The following ESPN variants were observed in gnomAD, a reference collection of about 807,000 sequenced individuals.
ESPN encodes the protein autosomal recessive deafness type 36 protein.
A neutral mutation model predicts 77.7 loss-of-function variants in ESPN; 68 were observed. That is an observed-to-expected ratio of 0.87 (90% CI 0.72 to 1.07). ESPN has a LOEUF of 1.07. Ranked by LOEUF, ESPN falls within the 50% of genes least tolerant of loss-of-function variation. The probability of loss-of-function intolerance (pLI) is 0.00; values close to 1 mark genes in which losing one functional copy is unlikely to be tolerated. For synonymous variants in ESPN, 449 were observed against 567.1 expected, an observed-to-expected ratio of 0.79 and a Z score of 2.96; for missense variants, 1,060 against 1,239.0, an observed-to-expected ratio of 0.86 and a Z score of 2.17.
chr1:6,457,551 G>C (rs1474660834), intron 12 of ESPN, among the ~76,000 whole-genome samples, 179 bp downstream of exon 12: 3 of 152,058 alleles, frequency 2.0e-5, no homozygotes, highest in African/African-American at 7.2e-5. Flanking sequence ...CTTTGTTCCC[G>C]GTTACTCAGT....
intron 6 of ESPN, 40 bp from the exon 7 acceptor site, chr1:6,445,624 T>C: frequency 1.2e-6 from 2 of 1,603,624 alleles, no homozygotes; most frequent in East Asian, 4.5e-5. Flanking sequence ...ACAGCCTGTC[T>C]GCATGCTCCC....
intron 2 of ESPN, among the ~76,000 whole-genome samples, chr1:6,439,239 C>G (rs1034649848): frequency 6.6e-6 from 1 of 152,212 alleles, no homozygotes; most frequent in Non-Finnish European, 1.5e-5. Flanking sequence ...AACAACCAAA[C>G]CCAGGACGTT....
chr1:6,442,423 A>G (rs555329062), intron 5 of ESPN, among the ~76,000 whole-genome samples: 1 of 150,804 alleles, frequency 6.6e-6, no homozygotes, highest in African/African-American at 2.4e-5. Flanking sequence ...ACAAAAAAAA[A>G]TTTAGCCAGG....
chr1:6,443,256 C>G (rs1280997198), intron 5 of ESPN: 1 of 152,160 alleles, frequency 6.6e-6, no homozygotes. Flanking sequence ...GCTGTTATCC[C>G]CATTTGCAGA....
intron 2 of ESPN, among the ~76,000 whole-genome samples, chr1:6,435,488 C>A (rs1460653212): frequency 1.3e-5 from 2 of 152,248 alleles, no homozygotes; most frequent in African/African-American, 4.8e-5. Context: ...CATCTTTGTT[C>A]CCAGGAGAAA....
At chr1:6,458,052 A>G (rs1431690057) in intron 12 of ESPN, among the ~76,000 whole-genome samples, 1 of 149,188 alleles carries the variant, frequency 6.7e-6, no homozygotes, top group East Asian at 2.0e-4. Flanking sequence ...ATGGGGTTTC[A>G]CTCTTGTCAC....
chr1:6,456,054 T>C (rs1233365237), intron 10 of ESPN: 1 of 381,858 alleles, frequency 2.6e-6, no homozygotes, highest in Non-Finnish European at 4.6e-6. Context: ...GACCTCAGAC[T>C]CTCCTGGTTC....
rs114827964 is a variant in ESPN at position 6,430,401 on chromosome 1, G to A, written c.488+1982G>A. Among the ~76,000 whole-genome samples, 1,478 of 152,300 alleles carry A rather than the reference G, an allele frequency of 9.7e-3. 18 individuals carry two copies. Among genetic ancestry groups the A allele is most frequent in the African/African-American group, 0.034 (1,406 of 41,548 alleles). The stretch of plus-strand genomic sequence containing the variant: ...GGAGCTGGAAGGCTGGACAGCCTCG[G>A]GGAAGCTCAGCTAATTCCAGGTCTA... On this transcript the variant is annotated intron_variant, in intron 2 of 12. Coordinates refer to ENST00000645284, the MANE Select transcript of ESPN (RefSeq NM_031475.3).
In ESPN at chr1:6,448,949, G is replaced by A. The variant is rs1191989328; in HGVS notation, c.1773G>A (p.Ala591=). 1.4e-6 allele frequency: 2 copies of A among 1,418,498 alleles called. No individual in the cohort carries two copies. Among genetic ancestry groups the A allele is most frequent in the Non-Finnish European group, 1.8e-6 (2 of 1,091,762 alleles). The allele number at this position is 1,418,498 out of a possible 1,614,324, so 87.9% of individuals were successfully genotyped here. The part of the protein sequence containing the change: ...VPNGCAADPK[A]SRELPPPPPP... ...ACGGCTGCGCCGCGGACCCCAAGGC[G>A]TCCAGGGAGCTGCCACCGCCGCCCC... The change falls in exon 8 of 13, where the codon GCG becomes GCA. Residue 591 remains alanine, a synonymous_variant. Coordinates refer to ENST00000645284, the MANE Select transcript of ESPN (RefSeq NM_031475.3).
rs1243291562 is a variant in ESPN, at chr1:6,451,219, C to T, written c.1916-384C>T. The T allele has an allele frequency of 2.8e-6, 1 of 362,170 alleles. No homozygotes were observed. Among genetic ancestry groups the T allele is most frequent in the Non-Finnish European group, 5.3e-6 (1 of 187,914 alleles). The allele number at this position is 362,170 out of a possible 1,614,324, so 22.4% of individuals were successfully genotyped here. A position where few individuals can be genotyped will look rare whatever the true frequency, so the allele number is the denominator to read the frequency against. On this transcript the variant is annotated intron_variant, in intron 8 of 12. Transcript: ENST00000645284. The surrounding 1 kb of genome is among the most constrained non-coding windows in gnomAD (Gnocchi z 4.3). ...GAGAGGGCCAGAGGGAGGCTCCACC[C>T]CAGCCGGGCTGAGCCAGGGAACCTG...
At chr1:6,455,197 A>G in intron 10 of ESPN, 1 of 388,538 alleles carries the variant, frequency 2.6e-6, no homozygotes, top group East Asian at 3.7e-5. Context: ...GCGCTGCCTG[A>G]GCCCGAGCAG....
Position 6,448,931 on chromosome 1 carries a change from C to T in ESPN, c.1755C>T (p.Cys585=). ...LLPGNHVPNG[C]AADPKASREL... ...CTGGGAACCATGTTCCTAACGGCTG[C>T]GCCGCGGACCCCAAGGCGTCCAGGG... Residue 585 remains cysteine (C), a synonymous_variant, in exon 8 of 13, where the codon TGC becomes TGT. Transcript: ENST00000645284. 7.2e-7 allele frequency: 1 copy of T among 1,394,510 alleles called. No individual in the cohort carries two copies. Among genetic ancestry groups the T allele is most frequent in the Admixed American group, 3.1e-5 (1 of 31,946 alleles). The allele number at this position is 1,394,510 out of a possible 1,614,324, so 86.4% of individuals were successfully genotyped here.
downstream of ESPN, chr1:6,461,162 TTTTG>T (rs1015716688): frequency 1.5e-6 from 1 of 682,578 alleles, no homozygotes; most frequent in South Asian, 1.5e-5. The surrounding 1 kb of genome is among the most constrained non-coding windows in gnomAD (Gnocchi z 6.3). Flanking sequence ...TTTTGTTTTG[TTTTG>T]TTTTCTTTCA....
intron 3 of ESPN, 39 bp downstream of exon 3, chr1:6,440,479 G>T (rs747493996): frequency 6.7e-5 from 100 of 1,494,274 alleles, no homozygotes; most frequent in Non-Finnish European, 1.8e-6. Flanking sequence ...GGGAGGCGGG[G>T]CGGAGCCGGC....
intron 10 of ESPN, chr1:6,455,951 A>G: frequency 5.0e-6 from 2 of 398,640 alleles, no homozygotes; most frequent in Admixed American, 4.4e-5. Context: ...AGGCTGCTCC[A>G]TTTCAGACGG....
In ESPN at chr1:6,424,967, G is replaced by T; in HGVS notation, c.12G>T (p.Glu4Asp). The T allele has an allele frequency of 6.9e-7, 1 of 1,455,144 alleles. No homozygotes were observed. Among genetic ancestry groups the T allele is most frequent in the Non-Finnish European group, 9.0e-7 (1 of 1,108,238 alleles). The allele number at this position is 1,455,144 out of a possible 1,614,324, so 90.1% of individuals were successfully genotyped here. MALEQALQAARQGE... is the reference protein window; with the variant it reads MALDQALQAARQGE... ...CCGCACGCGGCACCATGGCCCTGGA[G>T]CAGGCGCTGCAGGCGGCGCGGCAGG... Residue 4 changes from glutamate to aspartate, a missense_variant, in exon 1 of 13, where the codon GAG becomes GAT. Physicochemically the swap from Glu to Asp is conservative, Grantham distance 45 (BLOSUM62 2). Around this residue, in one of 3 missense-constraint regions of ESPN, gnomAD observed 556 missense variants for 633.6 expected, o/e 0.88. Coordinates refer to ENST00000645284, the MANE Select transcript of ESPN (RefSeq NM_031475.3).
At chr1:6,430,200 T>TA (rs1227349813) in intron 2 of ESPN, among the ~76,000 whole-genome samples, 29 of 152,174 alleles carry the variant, frequency 1.9e-4, no homozygotes, top group African/African-American at 6.8e-4. Flanking sequence ...TTCATGCTCT[T>TA]GTGAGCCTCT....
intron 2 of ESPN, among the ~76,000 whole-genome samples, chr1:6,432,818 G>A (rs902797081): frequency 2.6e-5 from 4 of 152,198 alleles, no homozygotes; most frequent in Non-Finnish European, 5.9e-5. Context: ...ATGTCCACCC[G>A]CAGCCTTTGA....
At position 6,428,797 on chromosome 1, in the gene ESPN, G is replaced by A. The variant is rs529947001; in HGVS notation, c.488+378G>A. 5.7e-4 allele frequency among the ~76,000 whole-genome samples: 87 copies of A among 152,278 alleles called. No individual in the cohort carries two copies. Among genetic ancestry groups the A allele is most frequent in the Admixed American group, 4.4e-3 (68 of 15,308 alleles). ...TTGCAAGACTGTTCAGGATGGAGTC[G>A]GGGGCAGCAAGGGCAGGAGCGCCTC... On this transcript the variant is annotated intron_variant, in intron 2 of 12. Coordinates refer to ENST00000645284, the MANE Select transcript of ESPN (RefSeq NM_031475.3). This position sits in a 1 kb window ranked among gnomAD's most constrained non-coding sequence, Gnocchi z 5.4.
Sources: gnomAD v4.1 joint callset for allele counts (sites outside exome capture counted in the v4.1 genomes callset) on GRCh38, gnomAD v4.1.1 for gene constraint, gnomAD v4.1.1 regional missense constraint, Gnocchi (gnomAD v3.1) non-coding constraint, MANE v1.5 for transcripts, NCBI Gene and HGNC (gene_info 2026-07-23, HGNC 2026-07-21) for gene names.